The following LRP1B variants were observed in gnomAD, a reference collection of about 807,000 sequenced individuals.
LRP1B encodes low-density lipoprotein receptor-related protein 1B.
In LRP1B, 217 loss-of-function variants were observed where a neutral mutation model predicts 556.6. That is an observed-to-expected ratio of 0.39 (90% CI 0.35 to 0.44). The LOEUF (loss-of-function observed/expected upper bound fraction) is 0.44. LRP1B is among the 20% of genes least tolerant of loss of function. LRP1B has a pLI of 1.00. For missense variants in LRP1B, 5,053 were observed against 5,620.8 expected (o/e 0.90, Z 3.23); for synonymous variants, 2,047 against 1,865.8 (o/e 1.10, Z -2.50).
In LRP1B at chr2:141,729,594, A is replaced by G. The variant is rs1273565920; in HGVS notation, c.205+80685T>C. Reference sequence around the variant, plus strand: ...TTTTCAAGGAAGTCTGATGGACAAGACGGTTTAAGGAAGAGAAATCCACAT... The same window carrying G: ...TTTTCAAGGAAGTCTGATGGACAAGGCGGTTTAAGGAAGAGAAATCCACAT... On this transcript the variant is annotated intron_variant, in intron 2 of 90. Transcript: ENST00000389484. 2.0e-5 allele frequency among the ~76,000 whole-genome samples: 3 copies of G among 152,152 alleles called. No individual in the cohort carries two copies. The East Asian group carries it at 5.8e-4, about 29-fold the overall frequency.
At chr2:142,022,389 T>G (rs1407864085) in intron 1 of LRP1B, among the ~76,000 whole-genome samples, 1 of 151,788 alleles carries the variant, frequency 6.6e-6, no homozygotes, top group Non-Finnish European at 1.5e-5. Context: ...TTTATTATTA[T>G]TATTATTATT....
At chr2:140,534,680 C>T (rs190888750) in intron 46 of LRP1B, among the ~76,000 whole-genome samples, 2 of 152,236 alleles carry the variant, frequency 1.3e-5, no homozygotes. Context: ...CTTCTGAGTT[C>T]TATTTACCAT....
chr2:142,028,596 C>T (rs969735990), intron 1 of LRP1B, among the ~76,000 whole-genome samples: 1 of 151,870 alleles, frequency 6.6e-6, no homozygotes, highest in Non-Finnish European at 1.5e-5. Flanking sequence ...TGGGACATTT[C>T]CAGTTTGAGG....
intron 84 of LRP1B, among the ~76,000 whole-genome samples, chr2:140,287,025 T>A (rs1683178930): frequency 6.6e-6 from 1 of 151,804 alleles, no homozygotes; most frequent in Non-Finnish European, 1.5e-5. Context: ...TTAGTTCATA[T>A]ATATTTACTT....
chr2:141,707,566 C>T (rs1316810770), intron 2 of LRP1B, among the ~76,000 whole-genome samples: 1 of 152,122 alleles, frequency 6.6e-6, no homozygotes, highest in African/African-American at 2.4e-5. Context: ...AATTACTGCA[C>T]ACACAGGGCT....
intron 1 of LRP1B, among the ~76,000 whole-genome samples, chr2:142,027,618 C>G (rs190404981): frequency 1.3e-5 from 2 of 151,612 alleles, no homozygotes; most frequent in Non-Finnish European, 2.9e-5. Flanking sequence ...TTATTTCTCA[C>G]AATAATCCAC....
chr2:140,726,017 T>C (rs758561667), intron 35 of LRP1B, among the ~76,000 whole-genome samples: 2 of 152,192 alleles, frequency 1.3e-5, no homozygotes, highest in Non-Finnish European at 2.9e-5. Flanking sequence ...ACTCAGAGAA[T>C]TAAAACTACT....
At chr2:140,470,644 C>CAAAAAAAAAAAA (rs35981828) in intron 60 of LRP1B, among the ~76,000 whole-genome samples, 1 of 58,544 alleles carries the variant, frequency 1.7e-5, no homozygotes, top group Non-Finnish European at 2.8e-5. Flanking sequence ...GACTCTGTCT[C>CAAAAAAAAAAAA]AAAAAAAAAA....
intron 43 of LRP1B, among the ~76,000 whole-genome samples, chr2:140,550,738 G>A (rs1019455631): frequency 4.6e-5 from 7 of 152,070 alleles, no homozygotes; most frequent in African/African-American, 1.7e-4. Flanking sequence ...AGTATTTCTC[G>A]TTTGGATTTC....
intron 3 of LRP1B, among the ~76,000 whole-genome samples, chr2:141,315,320 C>G (rs969215163): frequency 8.6e-6 from 1 of 116,936 alleles, no homozygotes; most frequent in South Asian, 2.9e-4. Context: ...AGTGCAGTGG[C>G]GCGATCTTGG....
chr2:142,110,280 G>A (rs1164753459), intron 1 of LRP1B, among the ~76,000 whole-genome samples: 2 of 151,978 alleles, frequency 1.3e-5, no homozygotes, highest in African/African-American at 4.8e-5. Context: ...AAATGTAAAA[G>A]CCCTGCATGG....
chr2:141,440,159 A>G (rs775460467), intron 3 of LRP1B, among the ~76,000 whole-genome samples: 1 of 152,218 alleles, frequency 6.6e-6, no homozygotes, highest in Non-Finnish European at 1.5e-5. Context: ...CCATTTTACA[A>G]AGGAGCAGAG....
Position 140,579,960 on chromosome 2 carries a change from G to A in LRP1B, c.7194+18671C>T, listed in dbSNP as rs998924466. ...GAAGAAGGAAATAGGATGGCTGACC[G>A]TATCCTATATATGCAAATGGAGAAA... is the stretch of plus-strand genomic sequence containing the variant. On this transcript the variant is annotated intron_variant, in intron 43 of 90. Coordinates refer to ENST00000389484, the MANE Select transcript of LRP1B (RefSeq NM_018557.3). Among the ~76,000 whole-genome samples, 8 of 152,244 alleles carry A rather than the reference G, an allele frequency of 5.3e-5. No individual in the cohort carries two copies. In the South Asian group the frequency reaches 8.3e-4, roughly 16 times the overall value.
Position 140,753,758 on chromosome 2 carries a change from G to A in LRP1B, c.5758+15455C>T, listed in dbSNP as rs564189705. Among the ~76,000 whole-genome samples, 9 of 152,142 alleles carry A rather than the reference G, an allele frequency of 5.9e-5. No individual in the cohort carries two copies. The South Asian group carries it at 1.9e-3, about 32-fold the overall frequency. On this transcript the variant is annotated intron_variant, in intron 35 of 90. Coordinates refer to ENST00000389484, the MANE Select transcript of LRP1B (RefSeq NM_018557.3). ...TGGACAGGAGTGGCCAAGAAACTGG[G>A]GTCCCCTTTACCTTTGGCTCCCAAT...
At chr2:141,923,685 T>G (rs1700260413) in intron 1 of LRP1B, among the ~76,000 whole-genome samples, 2 of 151,296 alleles carry the variant, frequency 1.3e-5, no homozygotes, top group Non-Finnish European at 2.9e-5. Flanking sequence ...AGTTAAGATC[T>G]CCCTTGATGA....
At chr2:141,042,208 A>C (rs1421395360) in intron 11 of LRP1B, among the ~76,000 whole-genome samples, 1 of 152,156 alleles carries the variant, frequency 6.6e-6, no homozygotes, top group Non-Finnish European at 1.5e-5. Context: ...TCTCTCTCTG[A>C]AGCAAAAGGC....
At chr2:141,251,821 T>C (rs1684272031) in intron 4 of LRP1B, among the ~76,000 whole-genome samples, 1 of 151,958 alleles carries the variant, frequency 6.6e-6, no homozygotes, top group South Asian at 2.1e-4. Flanking sequence ...GAGAATAGAT[T>C]AAGAAAACAT....
At position 141,803,216 on chromosome 2, in the gene LRP1B, C is replaced by CT. The variant is rs36054783; in HGVS notation, c.205+7062dup. Among the ~76,000 whole-genome samples the CT allele has an allele frequency of 9.0e-3, 1,287 of 143,076 alleles. 20 individuals carry two copies. Among genetic ancestry groups the CT allele is most frequent in the African/African-American group, 0.031 (1,189 of 38,630 alleles). 93.9% of individuals were successfully genotyped at this position (143,076 alleles called of 152,430 possible). On this transcript the variant is annotated intron_variant, in intron 2 of 90. Coordinates refer to ENST00000389484, the MANE Select transcript of LRP1B (RefSeq NM_018557.3). ...TCCATCACCTATGCCTGCAATCGAC[C>CT]TTTTTTTTTTTTTAATTGTAGAGGC...
intron 1 of LRP1B, among the ~76,000 whole-genome samples, chr2:141,816,607 A>T (rs1696558868): frequency 6.6e-6 from 1 of 152,002 alleles, no homozygotes; most frequent in Non-Finnish European, 1.5e-5. Flanking sequence ...CAGCTTCCAA[A>T]CGGCCTATTG....
Sources: gnomAD v4.1 joint callset for allele counts (sites outside exome capture counted in the v4.1 genomes callset) on GRCh38, gnomAD v4.1.1 for gene constraint, MANE v1.5 for transcripts, NCBI Gene and HGNC (gene_info 2026-07-23, HGNC 2026-07-21) for gene names.